SHCBP1: variants seen among roughly 807,000 people sequenced by gnomAD.
SHCBP1 encodes SHC binding and spindle associated 1, also known as SHC SH2 domain-binding protein 1.
A neutral mutation model predicts 75.1 loss-of-function variants in SHCBP1; 60 were observed. The observed-to-expected ratio is 0.80, with a 90% CI of 0.65 to 0.99. SHCBP1 has a LOEUF of 0.99. Ranked by LOEUF, SHCBP1 falls within the 50% of genes least tolerant of loss-of-function variation. The probability of loss-of-function intolerance (pLI) is 0.00; values close to 1 mark genes in which losing one functional copy is unlikely to be tolerated. For missense variants in SHCBP1, 709 were observed against 809.4 expected (o/e 0.88, Z 1.50); for synonymous variants, 290 against 293.2 (o/e 0.99, Z 0.11).
chr16:46,604,742 G>T (rs1432010864), intron 5 of SHCBP1, among the ~76,000 whole-genome samples: 1 of 152,102 alleles, frequency 6.6e-6, no homozygotes, highest in Non-Finnish European at 1.5e-5. Context: ...AACACTGAAA[G>T]TTCAGGTTAC....
chr16:46,606,194 G>A (rs1965324870), intron 5 of SHCBP1, among the ~76,000 whole-genome samples: 2 of 152,036 alleles, frequency 1.3e-5, no homozygotes, highest in South Asian at 4.2e-4. Flanking sequence ...CACAGATCCC[G>A]AAGTTCTGAA....
rs1001778950 is a variant in SHCBP1, at chr16:46,579,802, G to T, written c.*1927C>A. On this transcript the variant is annotated 3_prime_UTR_variant, in exon 13 of 13. Transcript: ENST00000303383. ...ATACAAAAATTAGCCAGGCATGGTG[G>T]CTGTCATACCAGCTACTTGGGAGGC... 2.0e-5 allele frequency among the ~76,000 whole-genome samples: 3 copies of T among 151,968 alleles called. No homozygotes were observed. Among genetic ancestry groups the T allele is most frequent in the African/African-American group, 7.2e-5 (3 of 41,388 alleles).
At chr16:46,603,415 A>T (rs888243692) in intron 8 of SHCBP1, 124 bp downstream of exon 8, 4 of 1,367,968 alleles carry the variant, frequency 2.9e-6, no homozygotes, top group Non-Finnish European at 4.1e-6. Flanking sequence ...TAATGTTTCA[A>T]GGCAGCTCAC....
chr16:46,596,374 G>A (rs1329064446), intron 9 of SHCBP1, among the ~76,000 whole-genome samples: 1 of 151,822 alleles, frequency 6.6e-6, no homozygotes, highest in Non-Finnish European at 1.5e-5. Context: ...GAGCGTGGTG[G>A]TGGGCACCTG....
chr16:46,601,921 T>G (rs1965244080), intron 8 of SHCBP1, among the ~76,000 whole-genome samples: 1 of 152,194 alleles, frequency 6.6e-6, no homozygotes, highest in South Asian at 2.1e-4. Flanking sequence ...TAGTAGGTAC[T>G]CAATATATAT....
intron 1 of SHCBP1, chr16:46,621,007 C>T (rs1202867616): frequency 2.3e-6 from 1 of 427,224 alleles, no homozygotes; most frequent in Non-Finnish European, 4.1e-6. Context: ...CTCCCTCCAA[C>T]CTCGGGGCGG....
At chr16:46,597,733 TC>T (rs950189384) in intron 9 of SHCBP1, among the ~76,000 whole-genome samples, 1 of 152,206 alleles carries the variant, frequency 6.6e-6, no homozygotes, top group African/African-American at 2.4e-5. Flanking sequence ...GATTGACTCT[TC>T]CTTTCATGAA....
At chr16:46,601,367 G>A (rs1365987774) in intron 8 of SHCBP1, among the ~76,000 whole-genome samples, 1 of 152,108 alleles carries the variant, frequency 6.6e-6, no homozygotes, top group Admixed American at 6.5e-5. Context: ...AACCATTAAT[G>A]CAAGCCAAAC....
intron 10 of SHCBP1, among the ~76,000 whole-genome samples, chr16:46,589,790 G>A (rs1201144653): frequency 6.6e-6 from 1 of 152,018 alleles, no homozygotes; most frequent in Non-Finnish European, 1.5e-5. Flanking sequence ...AAGCTACCAA[G>A]GACTTTCTTC....
chr16:46,609,442 C>CTTTTTT (rs71158875), intron 4 of SHCBP1, among the ~76,000 whole-genome samples: 22 of 61,336 alleles, frequency 3.6e-4, no homozygotes, highest in African/African-American at 1.2e-3. Context: ...CTTTTCTTTT[C>CTTTTTT]TTTTTTTTTT....
chr16:46,611,950 TTGGAATA>T (rs1965422387), intron 4 of SHCBP1, among the ~76,000 whole-genome samples: 1 of 152,268 alleles, frequency 6.6e-6, no homozygotes, highest in Non-Finnish European at 1.5e-5. Flanking sequence ...CATGTATTGG[TTGGAATA>T]CTTTTATAAA....
rs752165399 is a variant in SHCBP1, at chr16:46,604,223, C to CA, written c.923+4dup. Reference sequence around the variant, plus strand: ...ACTAACTAAGAATTACAAAGACACACATACCTCAACAAAGGATTCTCAATG... The same window carrying CA: ...ACTAACTAAGAATTACAAAGACACACAATACCTCAACAAAGGATTCTCAATG... On this transcript the variant is annotated splice_donor_region_variant and intron_variant, in intron 6 of 12. Transcript: ENST00000303383. 5.6e-6 allele frequency: 9 copies of CA among 1,613,944 alleles called. No individual in the cohort carries two copies. The Admixed American group carries it at 1.5e-4, about 27-fold the overall frequency.
At chr16:46,621,143 G>T in intron 1 of SHCBP1, 114 bp downstream of exon 1, 1 of 936,954 alleles carries the variant, frequency 1.1e-6, no homozygotes, top group Non-Finnish European at 1.5e-6. Context: ...CGCCGTTCCC[G>T]CCACCCTGGA....
At chr16:46,593,399 C>CA (rs1965082309) in intron 10 of SHCBP1, among the ~76,000 whole-genome samples, 2 of 152,072 alleles carry the variant, frequency 1.3e-5, no homozygotes, top group African/African-American at 4.8e-5. Flanking sequence ...ACACATACAA[C>CA]ATTTGTATGC....
At chr16:46,594,878 A>G (rs1258206629) in intron 10 of SHCBP1, among the ~76,000 whole-genome samples, 1 of 152,206 alleles carries the variant, frequency 6.6e-6, no homozygotes, top group Non-Finnish European at 1.5e-5. Context: ...AAACCGTGGA[A>G]CAACCACACA....
intron 10 of SHCBP1, among the ~76,000 whole-genome samples, chr16:46,588,075 T>TAC (rs2142997932): frequency 6.6e-6 from 1 of 151,664 alleles, no homozygotes; most frequent in East Asian, 1.9e-4. Context: ...GACAACTGGG[T>TAC]ACATAACGAA....
intron 4 of SHCBP1, 36 bp from the exon 5 acceptor site, chr16:46,608,425 C>G: frequency 2.1e-6 from 3 of 1,425,596 alleles, no homozygotes; most frequent in Non-Finnish European, 3.0e-6. Context: ...AATTCTATCA[C>G]TGGCTCAAAA....
At position 46,597,269 on chromosome 16, in the gene SHCBP1, C is replaced by T. The variant is rs935164589; in HGVS notation, c.1346-1599G>A. Among the ~76,000 whole-genome samples, 6 of 152,132 alleles carry T rather than the reference C, an allele frequency of 3.9e-5. No individual in the cohort carries two copies. In the South Asian group the frequency reaches 6.2e-4, roughly 16 times the overall value. On this transcript the variant is annotated intron_variant, in intron 9 of 12. Coordinates refer to ENST00000303383, the MANE Select transcript of SHCBP1 (RefSeq NM_024745.5). ...CTAAAAAATACAAAAATTAGCAAGA[C>T]GTGATGGCACACGCCTGTAGTCCCA... is the stretch of plus-strand genomic sequence containing the variant.
intron 10 of SHCBP1, among the ~76,000 whole-genome samples, chr16:46,589,191 T>C (rs1034072346): frequency 4.6e-5 from 7 of 152,198 alleles, no homozygotes; most frequent in Non-Finnish European, 1.0e-4. Flanking sequence ...AAGAGCTGTT[T>C]ATGACAAACC....
Sources: gnomAD v4.1 joint callset for allele counts (sites outside exome capture counted in the v4.1 genomes callset) on GRCh38, gnomAD v4.1.1 for gene constraint, MANE v1.5 for transcripts, NCBI Gene and HGNC (gene_info 2026-07-23, HGNC 2026-07-21) for gene names.